The following APLF variants were observed in gnomAD, a reference collection of about 807,000 sequenced individuals.
APLF encodes aprataxin and PNK-like factor.
A neutral mutation model predicts 55.6 loss-of-function variants in APLF; 61 were observed. The ratio of observed to expected loss-of-function variants is 1.10; its 90% CI spans 0.89 to 1.36. The LOEUF (loss-of-function observed/expected upper bound fraction) is 1.36. Among genes scored for constraint, APLF ranks in the 40% most tolerant of loss-of-function variants. The pLI, the probability that APLF is intolerant of heterozygous loss-of-function variation, is 0.00. For missense variants in APLF, 611 were observed against 602.5 expected, an observed-to-expected ratio of 1.01 and a Z score of -0.15; for synonymous variants, 207 against 214.8, an observed-to-expected ratio of 0.96 and a Z score of 0.32.
In APLF at chr2:68,467,746, C is replaced by T. The variant is rs748283852; in HGVS notation, c.15C>T (p.Phe5=). 11 of 1,234,784 alleles carry T rather than the reference C, an allele frequency of 8.9e-6. No homozygotes were observed. Among genetic ancestry groups the T allele is most frequent in the African/African-American group, 1.6e-5 (1 of 64,460 alleles). The allele number at this position is 1,234,784 out of a possible 1,614,324, so 76.5% of individuals were successfully genotyped here. MSGG[F]ELQPRDGGPR... is the part of the protein sequence containing the mutation. ...CCTTGCCCGCCATGTCCGGGGGCTT[C>T]GAGCTGCAGCCGCGGGACGGCGGTC... The change falls in exon 1 of 10, where the codon TTC becomes TTT. Residue 5 remains phenylalanine, a synonymous_variant. Transcript: ENST00000303795.
chr2:68,525,540 A>G, intron 5 of APLF, among the ~76,000 whole-genome samples: 1 of 152,056 alleles, frequency 6.6e-6, no homozygotes, highest in East Asian at 1.9e-4. Context: ...GATGAAACCA[A>G]AGTTCAGAAA....
chr2:68,563,223 A>G lies in APLF; in HGVS notation c.1287-4118A>G, dbSNP rs367691752. 9.6e-5 allele frequency: 95 copies of G among 985,306 alleles called. 2 individuals are homozygous for G. In the East Asian group the frequency reaches 6.9e-3, roughly 72 times the overall value. 61.0% of individuals were successfully genotyped at this position (985,306 alleles called of 1,614,324 possible). A position where few individuals can be genotyped will look rare whatever the true frequency, so the allele number is the denominator to read the frequency against. On this transcript the variant is annotated intron_variant, in intron 8 of 9. Coordinates refer to ENST00000303795, the MANE Select transcript of APLF (RefSeq NM_173545.3). ...GAAAGGATGGAAGATTCTCAAAGAAACAACTTTCCCCTTCTAAGGCAGATG... is the reference window on the plus strand; with the variant it reads ...GAAAGGATGGAAGATTCTCAAAGAAGCAACTTTCCCCTTCTAAGGCAGATG...
At chr2:68,485,697 T>G (rs182011115) in intron 1 of APLF, among the ~76,000 whole-genome samples, 3 of 152,280 alleles carry the variant, frequency 2.0e-5, no homozygotes, top group Admixed American at 2.0e-4. Flanking sequence ...TTAGCTGGCA[T>G]TCTTTTATAA....
intron 1 of APLF, among the ~76,000 whole-genome samples, chr2:68,480,709 G>C (rs1205084539): frequency 6.6e-6 from 1 of 152,044 alleles, no homozygotes; most frequent in Non-Finnish European, 1.5e-5. Context: ...TAGAAGAAAA[G>C]GTTTCATCTT....
chr2:68,513,138 A>T lies in APLF; in HGVS notation c.400A>T (p.Ile134Phe), dbSNP rs759715913. 17 of 1,611,414 alleles carry T rather than the reference A, an allele frequency of 1.1e-5. No individual in the cohort carries two copies. In the Admixed American group the frequency reaches 2.3e-4, roughly 22 times the overall value. Residue 134 changes from isoleucine to phenylalanine, a missense_variant, in exon 4 of 10, where the codon ATT becomes TTT. Transcript: ENST00000303795. Reference sequence around the variant, plus strand: ...GAATGAAACACCAAAATCCCCCGTGATTAATTTACCTCATGAGACTACTGG... The same window carrying T: ...GAATGAAACACCAAAATCCCCCGTGTTTAATTTACCTCATGAGACTACTGG... ...ILNETPKSPV[I>F]NLPHETTGAS...
chr2:68,502,770 A>G lies in APLF; in HGVS notation c.208A>G (p.Ser70Gly). 6.3e-7 allele frequency: 1 copy of G among 1,595,742 alleles called. No homozygotes were observed. Among genetic ancestry groups the G allele is most frequent in the South Asian group, 1.1e-5 (1 of 87,020 alleles). ...NPCFYQSSEK[S>G]QLLPLKPNLW... The stretch of plus-strand genomic sequence containing the variant: ...ATGTTTTTACCAGTCTTCAGAGAAG[A>G]GTCAGCTCTTACCATTGAAGCCAAA... The change falls in exon 3 of 10, where the codon AGT (serine) becomes GGT (glycine). Residue 70 changes from serine to glycine, a missense_variant. By Grantham distance (56) the Ser-to-Gly change is moderately conservative (BLOSUM62 0). Coordinates refer to ENST00000303795, the MANE Select transcript of APLF (RefSeq NM_173545.3).
intron 8 of APLF, among the ~76,000 whole-genome samples, chr2:68,561,249 C>T (rs966523435): frequency 6.6e-6 from 1 of 152,104 alleles, no homozygotes; most frequent in African/African-American, 2.4e-5. Context: ...GTGAGGTAGA[C>T]AGTGTTATCC....
intron 8 of APLF, among the ~76,000 whole-genome samples, chr2:68,554,316 G>T (rs530685559): frequency 4.6e-5 from 7 of 152,056 alleles, no homozygotes; most frequent in South Asian, 2.1e-4. Flanking sequence ...AATTTTACTT[G>T]TACTACTTAT....
intron 8 of APLF, among the ~76,000 whole-genome samples, chr2:68,547,136 AT>A (rs1007009938): frequency 1.3e-5 from 2 of 151,814 alleles, no homozygotes; most frequent in African/African-American, 4.8e-5. Flanking sequence ...AGATTATAAC[AT>A]CAAAAAGTAA....
At chr2:68,571,328 G>C (rs368558981) in intron 9 of APLF, among the ~76,000 whole-genome samples, 180 of 146,608 alleles carry the variant, frequency 1.2e-3, no homozygotes, top group East Asian at 2.7e-3. Context: ...TTTGGCTTTT[G>C]TTGCCATTGC....
intron 8 of APLF, among the ~76,000 whole-genome samples, chr2:68,551,164 A>G (rs1275699701): frequency 6.6e-6 from 1 of 152,042 alleles, no homozygotes; most frequent in Non-Finnish European, 1.5e-5. Context: ...CATTTATGTC[A>G]TGCCATGGAC....
intron 6 of APLF, among the ~76,000 whole-genome samples, chr2:68,532,583 A>G (rs1284366575): frequency 5.3e-5 from 8 of 152,192 alleles, no homozygotes; most frequent in Admixed American, 4.6e-4. Context: ...GGGTATAATG[A>G]ATTTTTCTAC....
intron 7 of APLF, 132 bp downstream of exon 7, chr2:68,538,359 A>T: frequency 1.4e-6 from 1 of 706,764 alleles, no homozygotes; most frequent in Non-Finnish European, 2.2e-6. Context: ...TCGTGTTTCT[A>T]CTATTTGTAC....
intron 1 of APLF, among the ~76,000 whole-genome samples, chr2:68,477,693 A>T (rs1558526007): frequency 6.6e-6 from 1 of 152,200 alleles, no homozygotes; most frequent in Non-Finnish European, 1.5e-5. Flanking sequence ...TGGATAATTT[A>T]TGAAGGAAAG....
chr2:68,534,840 G>A (rs1670344937), intron 6 of APLF, among the ~76,000 whole-genome samples: 1 of 152,164 alleles, frequency 6.6e-6, no homozygotes, highest in African/African-American at 2.4e-5. Flanking sequence ...CGTCAGTTCA[G>A]TGACTTACTC....
intron 8 of APLF, among the ~76,000 whole-genome samples, chr2:68,562,104 C>T (rs1449325686): frequency 6.6e-6 from 1 of 151,830 alleles, no homozygotes; most frequent in Non-Finnish European, 1.5e-5. Flanking sequence ...GTAGATGAAC[C>T]TAGAGAACAT....
chr2:68,467,725 G>A lies in APLF; in HGVS notation c.-7G>A. The A allele has an allele frequency of 8.1e-7, 1 of 1,234,772 alleles. No individual in the cohort carries two copies. Among genetic ancestry groups the A allele is most frequent in the Admixed American group, 4.2e-5 (1 of 23,714 alleles). 76.5% of individuals were successfully genotyped at this position (1,234,772 alleles called of 1,614,324 possible). A position where few individuals can be genotyped will look rare whatever the true frequency, so the allele number is the denominator to read the frequency against. On this transcript the variant is annotated 5_prime_UTR_variant, in exon 1 of 10. Coordinates refer to ENST00000303795, the MANE Select transcript of APLF (RefSeq NM_173545.3). The stretch of plus-strand genomic sequence containing the variant: ...CTCCTGGCGAAGGGGCCTAATCCTT[G>A]CCCGCCATGTCCGGGGGCTTCGAGC...
chr2:68,490,186 A>G lies in APLF; in HGVS notation c.97-4A>G, dbSNP rs751682384. ...CTTAATCTTTTAATTTTTTTACTGTATAGATAACAGACAAGAGAGTATCCA... is the reference window on the plus strand; with the variant it reads ...CTTAATCTTTTAATTTTTTTACTGTGTAGATAACAGACAAGAGAGTATCCA... On this transcript the variant is annotated splice_region_variant and splice_polypyrimidine_tract_variant and intron_variant, in intron 1 of 9. Coordinates refer to ENST00000303795, the MANE Select transcript of APLF (RefSeq NM_173545.3). The G allele has an allele frequency of 5.0e-6, 8 of 1,600,238 alleles. No homozygotes were observed. Among genetic ancestry groups the G allele is most frequent in the Admixed American group, 3.6e-5 (2 of 56,256 alleles).
intron 5 of APLF, among the ~76,000 whole-genome samples, chr2:68,518,479 CATA>C (rs1466963331): frequency 1.5e-3 from 169 of 110,068 alleles, no homozygotes; most frequent in Non-Finnish European, 2.5e-3. Context: ...ATTAATAATA[CATA>C]ATAACATTAA....
Sources: allele counts gnomAD v4.1 joint callset (sites outside exome capture counted in the v4.1 genomes callset), GRCh38; gene constraint gnomAD v4.1.1; transcripts MANE v1.5; gene names NCBI Gene and HGNC (gene_info 2026-07-23, HGNC 2026-07-21).